Variants in MAP2K4 observed in about 807,000 individuals in gnomAD.
MAP2K4 encodes dual specificity mitogen-activated protein kinase kinase 4.
In MAP2K4, 4 loss-of-function variants were observed where a neutral mutation model predicts 48.5. The ratio of observed to expected loss-of-function variants is 0.08; its 90% CI spans 0.04 to 0.19. MAP2K4 has a LOEUF of 0.19. Ranked by LOEUF, MAP2K4 falls within the 10% of genes least tolerant of loss-of-function variation. The pLI, the probability that MAP2K4 is intolerant of heterozygous loss-of-function variation, is 1.00. For missense variants in MAP2K4, 258 were observed against 493.3 expected (o/e 0.52, Z 4.52); for synonymous variants, 166 against 173.1 (o/e 0.96, Z 0.32).
intron 4 of MAP2K4, among the ~76,000 whole-genome samples, chr17:12,095,927 G>GTGTGTGTGTA (rs919908493): frequency 3.3e-4 from 48 of 143,838 alleles, no homozygotes; most frequent in African/African-American, 1.2e-3. Flanking sequence ...GTGTGTGTGT[G>GTGTGTGTGTA]TATTTTAGTA....
At chr17:12,111,475 T>C (rs1221774246) in intron 6 of MAP2K4, among the ~76,000 whole-genome samples, 2 of 151,980 alleles carry the variant, frequency 1.3e-5, no homozygotes, top group Non-Finnish European at 2.9e-5. Context: ...CTTGTTCTTG[T>C]CTTGATTTTT....
rs1973400852 is a variant in MAP2K4, at chr17:12,142,415, A to C, written c.*1155A>C. The C allele has an allele frequency of 4.3e-6, 1 of 232,974 alleles. No homozygotes were observed. Among genetic ancestry groups the C allele is most frequent in the Admixed American group, 5.6e-5 (1 of 17,766 alleles). The allele number at this position is 232,974 out of a possible 1,614,324, so 14.4% of individuals were successfully genotyped here. ...TCGCTATGTGACTTGCGCTTAATCC[A>C]ATATTTTGCCTTTTTTCTATATCAA... On this transcript the variant is annotated 3_prime_UTR_variant, in exon 11 of 11. Coordinates refer to ENST00000353533, the MANE Select transcript of MAP2K4 (RefSeq NM_003010.4).
chr17:12,079,262 T>G (rs1597445247), intron 2 of MAP2K4, among the ~76,000 whole-genome samples: 9 of 152,330 alleles, frequency 5.9e-5, no homozygotes, highest in Admixed American at 4.6e-4. Context: ...GAAACTACAG[T>G]GAGCTAAACT....
In MAP2K4 at chr17:12,141,358, A is replaced by C. The variant is rs1973372738; in HGVS notation, c.*98A>C. 7 of 835,890 alleles carry C rather than the reference A, an allele frequency of 8.4e-6. No individual in the cohort carries two copies. The East Asian group carries it at 1.7e-4, about 21-fold the overall frequency. 51.8% of individuals were successfully genotyped at this position (835,890 alleles called of 1,614,324 possible). On this transcript the variant is annotated 3_prime_UTR_variant, in exon 11 of 11. Coordinates refer to ENST00000353533, the MANE Select transcript of MAP2K4 (RefSeq NM_003010.4). ...CACAGTGTTTTTATTGCTCGCCCAG[A>C]CACCATGTGCAATAAGATTGGTGTT...
At chr17:12,115,601 A>G in intron 7 of MAP2K4, 1 of 728,100 alleles carries the variant, frequency 1.4e-6, no homozygotes, top group South Asian at 1.4e-5. Flanking sequence ...TGAAGTGAGC[A>G]AATTGTAAAA....
chr17:12,097,811 T>G (rs1597464231), intron 4 of MAP2K4, among the ~76,000 whole-genome samples: 1 of 152,294 alleles, frequency 6.6e-6, no homozygotes, highest in Middle Eastern at 3.4e-3. Flanking sequence ...TCCTTCTATT[T>G]TATTAGAAGT....
At chr17:12,069,819 A>G in intron 2 of MAP2K4, 1 of 605,856 alleles carries the variant, frequency 1.7e-6, no homozygotes, top group Admixed American at 2.6e-5. Context: ...AACAGTACGG[A>G]CACAGAAGAA....
chr17:12,140,155 A>G (rs1212168580), intron 10 of MAP2K4, among the ~76,000 whole-genome samples: 1 of 152,190 alleles, frequency 6.6e-6, no homozygotes, highest in Non-Finnish European at 1.5e-5. Flanking sequence ...TTAAGAAGCC[A>G]TTTTCCACTG....
intron 4 of MAP2K4, among the ~76,000 whole-genome samples, chr17:12,097,090 A>G (rs1330609494): frequency 6.6e-6 from 1 of 152,202 alleles, no homozygotes; most frequent in Non-Finnish European, 1.5e-5. Flanking sequence ...ATGTTATTCT[A>G]AATGTTTGGA....
chr17:12,129,269 T>C lies in MAP2K4; in HGVS notation c.1022T>C (p.Ile341Thr), dbSNP rs367710581. 4 of 1,614,118 alleles carry C rather than the reference T, an allele frequency of 2.5e-6. No homozygotes were observed. In the African/African-American group the frequency reaches 5.3e-5, roughly 22 times the overall value. The change falls in exon 9 of 11, where the codon ATC (isoleucine) becomes ACC (threonine). Residue 341 changes from isoleucine (I) to threonine (T), a missense_variant. By Grantham distance (89) the Ile-to-Thr change is moderately conservative (BLOSUM62 -1). Transcript: ENST00000353533. Reference sequence around the variant, plus strand: ...GAAAGGGAATTCTCCCCGAGTTTCATCAACTTTGTCAACTTGTGGTGAGTA... The same window carrying C: ...GAAAGGGAATTCTCCCCGAGTTTCACCAACTTTGTCAACTTGTGGTGAGTA... Reference protein sequence around the residue: ...SEEREFSPSFINFVNLCLTKD... With the variant: ...SEEREFSPSFTNFVNLCLTKD...
At chr17:12,038,077 A>G (rs1388172820) in intron 1 of MAP2K4, among the ~76,000 whole-genome samples, 1 of 152,188 alleles carries the variant, frequency 6.6e-6, no homozygotes, top group Non-Finnish European at 1.5e-5. Flanking sequence ...GTTTTCATTT[A>G]TATGCCACTT....
intron 1 of MAP2K4, among the ~76,000 whole-genome samples, chr17:12,026,266 C>T (rs1969247556): frequency 1.3e-5 from 2 of 150,650 alleles, no homozygotes; most frequent in Admixed American, 6.6e-5. Context: ...TTTCTTTTTT[C>T]GTAAATTTTT....
intron 2 of MAP2K4, among the ~76,000 whole-genome samples, chr17:12,056,994 G>T (rs1391362854): frequency 6.6e-6 from 1 of 152,062 alleles, no homozygotes; most frequent in Non-Finnish European, 1.5e-5. Flanking sequence ...AAGATAAGAT[G>T]AAATAAGCAA....
At chr17:12,047,061 G>A (rs62060971) in intron 1 of MAP2K4, among the ~76,000 whole-genome samples, 38,582 of 151,946 alleles carry the variant, frequency 0.25, 5,398 homozygotes, top group Middle Eastern at 0.35. Context: ...ATAGAGGAGT[G>A]ACACAATCCT....
intron 2 of MAP2K4, among the ~76,000 whole-genome samples, chr17:12,061,332 T>C (rs1970443728): frequency 6.6e-6 from 1 of 152,206 alleles, no homozygotes; most frequent in African/African-American, 2.4e-5. Flanking sequence ...TGTTACAGTT[T>C]AGGGATATTC....
chr17:12,080,339 T>G (rs1011575153), intron 2 of MAP2K4, among the ~76,000 whole-genome samples: 1 of 152,236 alleles, frequency 6.6e-6, no homozygotes, highest in Admixed American at 6.5e-5. Context: ...AGTTGATATT[T>G]AATGAATTCT....
chr17:12,123,466 A>T (rs1302831095), intron 7 of MAP2K4, among the ~76,000 whole-genome samples: 1 of 151,900 alleles, frequency 6.6e-6, no homozygotes, highest in African/African-American at 2.4e-5. Flanking sequence ...TGTCCATTTT[A>T]TTGATCTTTT....
intron 7 of MAP2K4, among the ~76,000 whole-genome samples, chr17:12,116,499 A>T (rs187363973): frequency 0.017 from 2,592 of 152,174 alleles, 33 homozygotes; most frequent in Non-Finnish European, 0.024. Context: ...ATTAAAAAAA[A>T]TTTTTTTTAC....
At chr17:12,061,193 T>C (rs936471242) in intron 2 of MAP2K4, among the ~76,000 whole-genome samples, 1 of 152,252 alleles carries the variant, frequency 6.6e-6, no homozygotes. Context: ...TATTGTTATG[T>C]GTATGCAGCA....
Sources: gnomAD v4.1 joint callset for allele counts (sites outside exome capture counted in the v4.1 genomes callset) on GRCh38, gnomAD v4.1.1 for gene constraint, MANE v1.5 for transcripts, NCBI Gene and HGNC (gene_info 2026-07-23, HGNC 2026-07-21) for gene names.